The following HIVEP3 variants were observed in gnomAD, a reference collection of about 807,000 sequenced individuals.
The protein encoded by HIVEP3 is transcription factor HIVEP3.
In HIVEP3, 49 loss-of-function variants were observed where a neutral mutation model predicts 152.8. That is an observed-to-expected ratio of 0.32 (90% confidence interval 0.26 to 0.41). HIVEP3 has a LOEUF of 0.41. Ranked by LOEUF, HIVEP3 falls within the 10% of genes least tolerant of loss-of-function variation. HIVEP3 has a pLI of 1.00. For synonymous variants in HIVEP3, 1,269 were observed against 1,289.0 expected, an observed-to-expected ratio of 0.98 and a Z score of 0.33; for missense variants, 2,790 against 3,103.3, an observed-to-expected ratio of 0.90 and a Z score of 2.40.
At chr1:41,559,050 TG>T (rs1289526182) in intron 5 of HIVEP3, among the ~76,000 whole-genome samples, 3 of 152,042 alleles carry the variant, frequency 2.0e-5, no homozygotes, top group Non-Finnish European at 4.4e-5. Flanking sequence ...CTGTCCATCT[TG>T]GGCCTGCCAG....
chr1:41,773,175 C>T (rs564099269), intron 1 of HIVEP3, among the ~76,000 whole-genome samples: 66 of 152,188 alleles, frequency 4.3e-4, no homozygotes, highest in Non-Finnish European at 8.4e-4. Context: ...CATCTAAATG[C>T]CAGCTTTGGA....
chr1:41,728,322 A>C (rs527472283), intron 1 of HIVEP3, among the ~76,000 whole-genome samples: 21 of 152,292 alleles, frequency 1.4e-4, no homozygotes, highest in African/African-American at 5.1e-4. Flanking sequence ...GCCAGGCACA[A>C]ATTCCTCAGC....
chr1:41,971,589 A>T (rs1221979477), intron 1 of HIVEP3, among the ~76,000 whole-genome samples: 1 of 151,952 alleles, frequency 6.6e-6, no homozygotes, highest in Non-Finnish European at 1.5e-5. Context: ...GTCGCCCCAG[A>T]CCCCACCTGG....
At chr1:41,832,418 C>T (rs1323442229) in intron 1 of HIVEP3, among the ~76,000 whole-genome samples, 1 of 152,150 alleles carries the variant, frequency 6.6e-6, no homozygotes, top group Non-Finnish European at 1.5e-5. Context: ...ATAGTCCCAG[C>T]TACTCGGGAG....
chr1:41,556,198 C>A (rs75976590), intron 5 of HIVEP3, among the ~76,000 whole-genome samples: 9 of 152,286 alleles, frequency 5.9e-5, no homozygotes, highest in Admixed American at 5.2e-4. Flanking sequence ...TTTTGAAGAA[C>A]TACCATACCG....
At chr1:41,683,157 A>AG (rs1369229580) in intron 2 of HIVEP3, among the ~76,000 whole-genome samples, 1 of 152,248 alleles carries the variant, frequency 6.6e-6, no homozygotes, top group South Asian at 2.1e-4. Context: ...CCAAAACAGA[A>AG]GGGAACCTGC....
intron 1 of HIVEP3, among the ~76,000 whole-genome samples, chr1:41,902,658 A>G (rs1644644601): frequency 6.6e-6 from 1 of 152,196 alleles, no homozygotes; most frequent in Admixed American, 6.5e-5. Flanking sequence ...ATGGGCACAC[A>G]GAAGTGGCCG....
At chr1:41,534,805 G>C (rs1049804761) in intron 5 of HIVEP3, among the ~76,000 whole-genome samples, 1 of 152,194 alleles carries the variant, frequency 6.6e-6, no homozygotes, top group Non-Finnish European at 1.5e-5. Flanking sequence ...AAGGAGGCGG[G>C]ACACAGGCAG....
intron 2 of HIVEP3, among the ~76,000 whole-genome samples, chr1:41,654,826 A>G (rs537911945): frequency 2.4e-4 from 36 of 152,178 alleles, no homozygotes; most frequent in Non-Finnish European, 4.7e-4. Flanking sequence ...AGGGAGAAAC[A>G]CAGTGTCCAG....
chr1:41,819,502 T>C (rs1364307614), intron 1 of HIVEP3, among the ~76,000 whole-genome samples: 5 of 152,220 alleles, frequency 3.3e-5, no homozygotes, highest in Non-Finnish European at 7.3e-5. Flanking sequence ...TCTTTACCAA[T>C]ATAAATATTT....
In HIVEP3 at chr1:41,581,388, G is replaced by A; in HGVS notation, c.3410C>T (p.Pro1137Leu). The A allele has an allele frequency of 1.2e-6, 2 of 1,610,724 alleles. No homozygotes were observed. Among genetic ancestry groups the A allele is most frequent in the Non-Finnish European group, 1.7e-6 (2 of 1,178,402 alleles). Residue 1137 changes from proline (P) to leucine (L), a missense_variant, in exon 4 of 9, where the codon CCA becomes CTA. Physicochemically the swap from Pro to Leu is moderately conservative, Grantham distance 98. Transcript: ENST00000372583. The surrounding 1 kb of genome is among the most constrained non-coding windows in gnomAD (Gnocchi z 4.5). ...AAGGGAGACTGGTGGGGGCAGGTAT[G>A]GCTTCTCATGCAGGGGTGTCTGGGC... is the stretch of plus-strand genomic sequence containing the variant. The part of the protein sequence containing the change: ...PVAQTPLHEK[P>L]YLPPPVSLFS...
At chr1:41,628,480 T>C (rs1227749007) in intron 3 of HIVEP3, among the ~76,000 whole-genome samples, 1 of 152,014 alleles carries the variant, frequency 6.6e-6, no homozygotes, top group Non-Finnish European at 1.5e-5. Flanking sequence ...CAGGACAGAA[T>C]GGAAACTGAG....
At chr1:41,692,734 T>C (rs1327639040) in intron 2 of HIVEP3, among the ~76,000 whole-genome samples, 1 of 152,218 alleles carries the variant, frequency 6.6e-6, no homozygotes, top group Non-Finnish European at 1.5e-5. Flanking sequence ...CCATACCCTT[T>C]TGATACTTTA....
chr1:41,521,515 C>A (rs1389005384), intron 6 of HIVEP3, among the ~76,000 whole-genome samples: 1 of 152,180 alleles, frequency 6.6e-6, no homozygotes, highest in Non-Finnish European at 1.5e-5. Flanking sequence ...CTTCCCCTCT[C>A]CAGGCCTGTC....
chr1:41,606,952 C>A (rs1297439021), intron 3 of HIVEP3, among the ~76,000 whole-genome samples: 2 of 151,698 alleles, frequency 1.3e-5, no homozygotes, highest in Non-Finnish European at 2.9e-5. Flanking sequence ...TCAGTATGAT[C>A]TTTCTAGTTT....
rs1035416507 is a variant in HIVEP3, at chr1:41,581,597, C to T, written c.3201G>A (p.Gln1067=). ...SELEVAPKGR[Q]ESEEPQPSSS... ...ATGAGGGCTGTGGTTCTTCGCTCTC[C>T]TGTCTTCCCTTGGGGGCAACCTCCA... Residue 1067 remains glutamine (Q), a synonymous_variant, in exon 4 of 9, where the codon CAG becomes CAA. Coordinates refer to ENST00000372583, the MANE Select transcript of HIVEP3 (RefSeq NM_024503.5). The surrounding 1 kb of genome is among the most constrained non-coding windows in gnomAD (Gnocchi z 4.5). 1 of 1,613,954 alleles carries T rather than the reference C, an allele frequency of 6.2e-7. No individual in the cohort carries two copies. Among genetic ancestry groups the T allele is most frequent in the Middle Eastern group, 1.6e-4 (1 of 6,062 alleles).
At chr1:41,794,611 C>A (rs1459731841) in intron 1 of HIVEP3, among the ~76,000 whole-genome samples, 2 of 152,092 alleles carry the variant, frequency 1.3e-5, no homozygotes, top group East Asian at 1.9e-4. Flanking sequence ...AACAAAAAAA[C>A]CCTAAGTATT....
intron 1 of HIVEP3, among the ~76,000 whole-genome samples, chr1:41,838,052 C>G (rs2124365240): frequency 6.6e-6 from 1 of 152,258 alleles, no homozygotes; most frequent in East Asian, 1.9e-4. Context: ...GAATTCTGCC[C>G]CTTTGACACA....
chr1:41,991,647 A>G (rs1350142972), intron 1 of HIVEP3, among the ~76,000 whole-genome samples: 1 of 151,884 alleles, frequency 6.6e-6, no homozygotes, highest in Non-Finnish European at 1.5e-5. Flanking sequence ...AACTCATTTT[A>G]TGAGGTCAGC....
Sources: gnomAD v4.1 joint callset for allele counts (sites outside exome capture counted in the v4.1 genomes callset) on GRCh38, gnomAD v4.1.1 for gene constraint, Gnocchi (gnomAD v3.1) non-coding constraint, MANE v1.5 for transcripts, NCBI Gene and HGNC (gene_info 2026-07-23, HGNC 2026-07-21) for gene names.